GLT1D1: variants seen among roughly 807,000 people sequenced by gnomAD.
GLT1D1 encodes glycosyltransferase 1 domain containing 1.
A neutral mutation model predicts 28.7 loss-of-function variants in GLT1D1; 21 were observed. The ratio of observed to expected loss-of-function variants is 0.73; its 90% confidence interval spans 0.52 to 1.05. GLT1D1 has a LOEUF of 1.05. Among genes scored for constraint, GLT1D1 ranks in the 50% least tolerant of loss-of-function variants. GLT1D1 has a pLI of 0.00. For missense variants in GLT1D1, 343 were observed against 330.6 expected, an observed-to-expected ratio of 1.04 and a Z score of -0.29; for synonymous variants, 147 against 124.8, an observed-to-expected ratio of 1.18 and a Z score of -1.19.
At position 128,945,164 on chromosome 12, in the gene GLT1D1, C is replaced by T. The variant is rs760879423; in HGVS notation, c.376-162C>T. 65 of 771,006 alleles carry T rather than the reference C, an allele frequency of 8.4e-5. No individual in the cohort carries two copies. In the Middle Eastern group the frequency reaches 1.6e-3, roughly 19 times the overall value. The allele number at this position is 771,006 out of a possible 1,614,324, so 47.8% of individuals were successfully genotyped here. ...ACAGTGCCCTTGCCCGAGCCGGGGG[C>T]CCCCATGATCACCACACGCAGCAGC... On this transcript the variant is annotated intron_variant, in intron 4 of 7. Coordinates refer to ENST00000281703, the MANE Select transcript of GLT1D1 (RefSeq NM_144669.3).
intron 2 of GLT1D1, among the ~76,000 whole-genome samples, chr12:128,883,088 A>C (rs1957096391): frequency 6.6e-6 from 1 of 151,060 alleles, no homozygotes; most frequent in Non-Finnish European, 1.5e-5. Context: ...CACCACGCCC[A>C]GCTAATTTTT....
Position 128,879,378 on chromosome 12 carries a change from T to TTTCTTTCTTTCTTTCTTTCTTTCTTTC in GLT1D1, c.217+3318_217+3319insCTTTCTTTCTTTCTTTCTTTCTTTCTT, listed in dbSNP as rs1956953393. On this transcript the variant is annotated intron_variant, in intron 2 of 7. Transcript: ENST00000281703. ...AAAGTGATACTTATTATTTTTTTCTTTTTCTTTCTTTCTTTCTTTCTTTCT... is the reference window on the plus strand; with the variant it reads ...AAAGTGATACTTATTATTTTTTTCTTTTCTTTCTTTCTTTCTTTCTTTCTTTCTTTCTTTCTTTCTTTCTTTCTTTCT... 1.7e-3 allele frequency among the ~76,000 whole-genome samples: 118 copies of TTTCTTTCTTTCTTTCTTTCTTTCTTTC among 69,974 alleles called. 6 individuals are homozygous for TTTCTTTCTTTCTTTCTTTCTTTCTTTC. The highest frequency in any genetic ancestry group is 2.4e-3 in the South Asian group (4 of 1,676). 45.9% of individuals were successfully genotyped at this position (69,974 alleles called of 152,430 possible). A position where few individuals can be genotyped will look rare whatever the true frequency, so the allele number is the denominator to read the frequency against.
intron 3 of GLT1D1, among the ~76,000 whole-genome samples, chr12:128,890,603 G>A (rs187605505): frequency 3.3e-4 from 50 of 152,134 alleles, no homozygotes; most frequent in African/African-American, 1.0e-3. Flanking sequence ...TGGCCAACAC[G>A]GAGAAACCCC....
At chr12:128,879,654 A>G (rs932367453) in intron 2 of GLT1D1, among the ~76,000 whole-genome samples, 9 of 152,002 alleles carry the variant, frequency 5.9e-5, no homozygotes, top group African/African-American at 1.9e-4. Flanking sequence ...ACGGGCTTTC[A>G]CTGTGTTGGC....
chr12:128,945,204 C>T (rs1027865301), intron 4 of GLT1D1, 122 bp from the exon 9 acceptor site: 42 of 982,756 alleles, frequency 4.3e-5, no homozygotes, highest in African/African-American at 8.0e-5. Flanking sequence ...AGGACACCCC[C>T]GTGGCCGCAG....
chr12:128,872,869 GTC>G (rs57376307), intron 1 of GLT1D1, among the ~76,000 whole-genome samples: 4 of 150,656 alleles, frequency 2.7e-5, no homozygotes, highest in Non-Finnish European at 3.0e-5. Flanking sequence ...CTCTTTCTCT[GTC>G]TCTCTCTCTC....
At chr12:128,928,021 A>AAC (rs1222815675) in intron 4 of GLT1D1, among the ~76,000 whole-genome samples, 1 of 150,526 alleles carries the variant, frequency 6.6e-6, no homozygotes, top group African/African-American at 2.4e-5. Context: ...AAAAAAAAAA[A>AAC]AAAACAAAAA....
chr12:128,875,058 G>A (rs1243308529), intron 1 of GLT1D1, among the ~76,000 whole-genome samples: 2 of 150,220 alleles, frequency 1.3e-5, no homozygotes, highest in Non-Finnish European at 3.0e-5. Flanking sequence ...TAAATATTGT[G>A]TGTGTGTGTG....
At chr12:128,907,222 C>G (rs897042224) in intron 4 of GLT1D1, among the ~76,000 whole-genome samples, 1 of 151,972 alleles carries the variant, frequency 6.6e-6, no homozygotes, top group Non-Finnish European at 1.5e-5. Flanking sequence ...GGTTTCACCT[C>G]TAGACTACCT....
At chr12:128,956,418 A>C (rs1259760238) in intron 6 of GLT1D1, among the ~76,000 whole-genome samples, 1 of 152,184 alleles carries the variant, frequency 6.6e-6, no homozygotes, top group Non-Finnish European at 1.5e-5. Flanking sequence ...TTGTTGCTGA[A>C]ATATGGTTTT....
At chr12:128,924,741 A>G (rs1873011937) in intron 4 of GLT1D1, among the ~76,000 whole-genome samples, 1 of 152,122 alleles carries the variant, frequency 6.6e-6, no homozygotes, top group Non-Finnish European at 1.5e-5. Context: ...CATTCTTAAG[A>G]ATGAGAACAG....
intron 1 of GLT1D1, among the ~76,000 whole-genome samples, chr12:128,854,615 G>C (rs570934114): frequency 2.6e-4 from 39 of 152,176 alleles, no homozygotes; most frequent in Non-Finnish European, 3.7e-4. Flanking sequence ...TCCTGCCTCA[G>C]CCTCCCAAGT....
rs193086422 is a variant in GLT1D1, at chr12:128,943,777, T to G, written c.376-1549T>G. Reference sequence around the variant, plus strand: ...GGATTTGTGTCTTACAACAAATCTGTAAACCCACTTGCTTTCTTTCTGGTA... The same window carrying G: ...GGATTTGTGTCTTACAACAAATCTGGAAACCCACTTGCTTTCTTTCTGGTA... On this transcript the variant is annotated intron_variant, in intron 4 of 7. Coordinates refer to ENST00000281703, the MANE Select transcript of GLT1D1 (RefSeq NM_144669.3). Among the ~76,000 whole-genome samples, 245 of 152,362 alleles carry G rather than the reference T, an allele frequency of 1.6e-3. 4 individuals are homozygous for G. The highest frequency in any genetic ancestry group is 9.4e-4 in the Non-Finnish European group (64 of 68,028).
intron 4 of GLT1D1, among the ~76,000 whole-genome samples, chr12:128,910,323 T>A (rs935000719): frequency 9.9e-5 from 15 of 151,000 alleles, no homozygotes; most frequent in Admixed American, 1.3e-4. Flanking sequence ...ACATTTTGAG[T>A]TTATGTATTG....
At chr12:128,893,874 C>A (rs1419753599) in intron 3 of GLT1D1, among the ~76,000 whole-genome samples, 1 of 152,212 alleles carries the variant, frequency 6.6e-6, no homozygotes, top group Non-Finnish European at 1.5e-5. Flanking sequence ...TGTGAGCCAT[C>A]ACGCCCCACT....
intron 4 of GLT1D1, among the ~76,000 whole-genome samples, chr12:128,931,917 G>GCACGCGCGCACACACACA (rs1368012620): frequency 5.0e-4 from 70 of 141,102 alleles, no homozygotes; most frequent in Non-Finnish European, 1.0e-3. Flanking sequence ...ACACACGCAC[G>GCACGCGCGCACACACACA]CACACACACA....
At chr12:128,963,333 A>G (rs649046) in intron 7 of GLT1D1, among the ~76,000 whole-genome samples, 110,165 of 151,880 alleles carry the variant, frequency 0.73, 40,234 homozygotes, top group Admixed American at 0.79. Flanking sequence ...CAGAAAATAG[A>G]AAGGACTTGA....
intron 7 of GLT1D1, among the ~76,000 whole-genome samples, chr12:128,973,516 C>G (rs997717393): frequency 6.6e-6 from 1 of 151,894 alleles, no homozygotes; most frequent in Admixed American, 6.6e-5. Flanking sequence ...TCCTCTCCCC[C>G]AGGCATAACC....
chr12:128,859,496 A>G (rs1956306439), intron 1 of GLT1D1, among the ~76,000 whole-genome samples: 1 of 152,194 alleles, frequency 6.6e-6, no homozygotes, highest in Non-Finnish European at 1.5e-5. Context: ...GTTGGGGGCT[A>G]CTGGCATTGA....
Sources: gnomAD v4.1 joint callset for allele counts (sites outside exome capture counted in the v4.1 genomes callset) on GRCh38, gnomAD v4.1.1 for gene constraint, MANE v1.5 for transcripts, NCBI Gene and HGNC (gene_info 2026-07-23, HGNC 2026-07-21) for gene names.